The following OLA1 variants were observed in gnomAD, a reference collection of about 807,000 sequenced individuals.
The protein encoded by OLA1 is obg-like ATPase 1.
OLA1 carries 14 observed loss-of-function variants against 48.4 expected under a neutral mutation model. The observed-to-expected ratio is 0.29, with a 90% CI of 0.19 to 0.45. OLA1 has a LOEUF of 0.45. OLA1 is among the 20% of genes least tolerant of loss of function. OLA1 has a pLI of 1.00. For synonymous variants in OLA1, 127 were observed against 150.4 expected, an observed-to-expected ratio of 0.84 and a Z score of 1.14; for missense variants, 325 against 467.1, an observed-to-expected ratio of 0.70 and a Z score of 2.80.
In OLA1 at chr2:174,123,630, G is replaced by C; in HGVS notation, c.595C>G (p.Pro199Ala). The change falls in exon 6 of 11, where the codon CCT (proline) becomes GCT (alanine). Residue 199 changes from proline (P) to alanine (A), a missense_variant. Transcript: ENST00000284719. Reference protein sequence around the residue: ...VKSWVIDQKKPVRFYHDWNDK... With the variant: ...VKSWVIDQKKAVRFYHDWNDK... ...TTCCAATCATGATAGAAGCGAACAG[G>C]TTTCTTTTGATCTATAACCCAGGAT... The C allele has an allele frequency of 6.3e-7, 1 of 1,598,368 alleles. No homozygotes were observed. Among genetic ancestry groups the C allele is most frequent in the African/African-American group, 1.3e-5 (1 of 74,336 alleles).
intron 4 of OLA1, among the ~76,000 whole-genome samples, chr2:174,215,035 G>A (rs1423199133): frequency 6.6e-6 from 1 of 150,458 alleles, no homozygotes; most frequent in Non-Finnish European, 1.5e-5. Context: ...GGGCGACAGA[G>A]TGAGACTATC....
In OLA1 at chr2:174,101,264, G is replaced by A. The variant is rs146803774; in HGVS notation, c.729-19200C>T. Among the ~76,000 whole-genome samples the A allele has an allele frequency of 6.6e-3, 1,008 of 152,136 alleles. 13 individuals carry two copies. Among genetic ancestry groups the A allele is most frequent in the African/African-American group, 0.021 (890 of 41,506 alleles). On this transcript the variant is annotated intron_variant, in intron 7 of 10. Transcript: ENST00000284719. ...GGTTATAATCTGCCTTTCCATGATC[G>A]CTTAAAGATGCTGAGTACTTTTCCA...
At chr2:174,094,336 A>C (rs1685195312) in intron 7 of OLA1, among the ~76,000 whole-genome samples, 1 of 152,238 alleles carries the variant, frequency 6.6e-6, no homozygotes, top group African/African-American at 2.4e-5. Context: ...TGAAAGACTT[A>C]ATCTTAACAT....
intron 7 of OLA1, among the ~76,000 whole-genome samples, chr2:174,097,956 C>T (rs1685296049): frequency 6.6e-6 from 1 of 152,032 alleles, no homozygotes; most frequent in South Asian, 2.1e-4. Context: ...TATGTAGTTT[C>T]ATAAAGGAGT....
intron 7 of OLA1, among the ~76,000 whole-genome samples, chr2:174,102,251 C>T (rs1352185440): frequency 2.0e-5 from 3 of 151,938 alleles, no homozygotes. Flanking sequence ...TTTAATAAAG[C>T]CTCCAGATGA....
chr2:174,076,775 A>G (rs1004827787), intron 10 of OLA1, among the ~76,000 whole-genome samples: 1 of 148,280 alleles, frequency 6.7e-6, no homozygotes, highest in Non-Finnish European at 1.5e-5. Context: ...ATATATATTT[A>G]TATTTATATA....
intron 7 of OLA1, among the ~76,000 whole-genome samples, chr2:174,101,451 T>C (rs542455118): frequency 1.3e-5 from 2 of 152,380 alleles, no homozygotes; most frequent in East Asian, 3.9e-4. Flanking sequence ...TATATTTTTG[T>C]AGCTGGTGGC....
At chr2:174,157,403 C>T (rs1686913002) in intron 4 of OLA1, among the ~76,000 whole-genome samples, 1 of 152,080 alleles carries the variant, frequency 6.6e-6, no homozygotes, top group African/African-American at 2.4e-5. Flanking sequence ...AAAAAGACAG[C>T]CTTCAAGGTT....
chr2:174,213,456 G>T (rs1688289249), intron 4 of OLA1, among the ~76,000 whole-genome samples: 1 of 151,638 alleles, frequency 6.6e-6, no homozygotes, highest in Non-Finnish European at 1.5e-5. Context: ...GCTTTAAAAA[G>T]TTAAGAATCT....
intron 3 of OLA1, among the ~76,000 whole-genome samples, chr2:174,224,269 C>T (rs557698392): frequency 5.3e-5 from 8 of 152,268 alleles, no homozygotes; most frequent in Admixed American, 2.0e-4. Flanking sequence ...ACTGCCTCCC[C>T]AGCATCCACT....
At chr2:174,237,000 T>G (rs1338546311) in intron 2 of OLA1, among the ~76,000 whole-genome samples, 1 of 152,202 alleles carries the variant, frequency 6.6e-6, no homozygotes, top group African/African-American at 2.4e-5. Flanking sequence ...TTAATATTTT[T>G]CTTTCTTCAA....
rs1301730246 is a variant in OLA1, at chr2:174,141,956, C to G, written c.418G>C (p.Asp140His). Residue 140 changes from aspartate (D) to histidine (H), a missense_variant, in exon 5 of 11, where the codon GAT becomes CAT. Physicochemically the swap from Asp to His is moderately conservative, Grantham distance 81. Coordinates refer to ENST00000284719, the MANE Select transcript of OLA1 (RefSeq NM_013341.5). The part of the protein sequence containing the change: ...DDITHVEGSV[D>H]PIRDIEIIHE... ...ATTATTTCTATATCTCGAATAGGAT[C>G]TACACTTCCTTCAACGTGCGTGATA... 1.9e-6 allele frequency: 3 copies of G among 1,613,346 alleles called. No individual in the cohort carries two copies. The highest frequency in any genetic ancestry group is 1.3e-5 in the African/African-American group (1 of 74,996).
At chr2:174,106,234 A>G (rs1306355361) in intron 7 of OLA1, among the ~76,000 whole-genome samples, 4 of 152,080 alleles carry the variant, frequency 2.6e-5, no homozygotes, top group African/African-American at 9.7e-5. Context: ...ATTCATCCCA[A>G]TCTGGTAAAC....
intron 3 of OLA1, among the ~76,000 whole-genome samples, chr2:174,227,364 T>C (rs574537009): frequency 6.6e-6 from 1 of 152,298 alleles, no homozygotes; most frequent in East Asian, 1.9e-4. Context: ...AGTCTATGAA[T>C]TAGATGGTAA....
At chr2:174,244,392 GAAT>G (rs1485647760) in intron 2 of OLA1, among the ~76,000 whole-genome samples, 2 of 152,086 alleles carry the variant, frequency 1.3e-5, no homozygotes, top group Non-Finnish European at 2.9e-5. Flanking sequence ...CACTTATTCT[GAAT>G]AATAAAATAT....
At chr2:174,230,546 A>G (rs1418847156) in intron 2 of OLA1, among the ~76,000 whole-genome samples, 1 of 152,222 alleles carries the variant, frequency 6.6e-6, no homozygotes, top group Non-Finnish European at 1.5e-5. Context: ...GGAGAAAAAA[A>G]TAGTACCTCC....
In OLA1 at chr2:174,072,682, A is replaced by G. The variant is rs1684627681; in HGVS notation, c.*2744T>C. The G allele has an allele frequency of 6.6e-6, 1 of 152,198 alleles. No individual in the cohort carries two copies. Among genetic ancestry groups the G allele is most frequent in the African/African-American group, 2.4e-5 (1 of 41,432 alleles). 9.4% of individuals were successfully genotyped at this position (152,198 alleles called of 1,614,324 possible). On this transcript the variant is annotated 3_prime_UTR_variant, in exon 11 of 11. Transcript: ENST00000284719. ...TGAATGAAAGGAGACGGGGTTTACA[A>G]AGGAGCTTTGGAAATATTATACACA...
chr2:174,235,169 T>A (rs1285508388), intron 2 of OLA1, among the ~76,000 whole-genome samples: 2 of 151,786 alleles, frequency 1.3e-5, no homozygotes, highest in Admixed American at 1.3e-4. Flanking sequence ...GGGAAAAAAA[T>A]AAATAAATAA....
intron 4 of OLA1, among the ~76,000 whole-genome samples, chr2:174,144,289 T>C (rs1339755109): frequency 6.6e-6 from 1 of 152,142 alleles, no homozygotes; most frequent in Non-Finnish European, 1.5e-5. Flanking sequence ...GGTGGCACTG[T>C]TGCTCCCTGC....
Sources: allele counts gnomAD v4.1 joint callset (sites outside exome capture counted in the v4.1 genomes callset), GRCh38; gene constraint gnomAD v4.1.1; transcripts MANE v1.5; gene names NCBI Gene and HGNC (gene_info 2026-07-23, HGNC 2026-07-21).